SLC12A3: variants seen among roughly 807,000 people sequenced by gnomAD.
SLC12A3 encodes the protein solute carrier family 12 member 3.
SLC12A3 carries 104 observed loss-of-function variants against 121.0 expected under a neutral mutation model. The observed-to-expected ratio is 0.86, with a 90% CI of 0.73 to 1.01. SLC12A3 has a LOEUF of 1.01. SLC12A3 is among the 50% of genes least tolerant of loss of function. The pLI, the probability that SLC12A3 is intolerant of heterozygous loss-of-function variation, is 0.00. For missense variants in SLC12A3, 1,328 were observed against 1,356.3 expected, an observed-to-expected ratio of 0.98 and a Z score of 0.33; for synonymous variants, 536 against 533.4, an observed-to-expected ratio of 1.00 and a Z score of -0.07.
At chr16:56,882,295 G>A (rs1459877490) in intron 12 of SLC12A3, 101 bp from the exon 13 acceptor site, 5 of 883,646 alleles carry the variant, frequency 5.7e-6, no homozygotes, top group Non-Finnish European at 9.7e-6. Context: ...CTGAGCCTTG[G>A]TGGCCTGTCT....
At chr16:56,894,772 A>C in intron 22 of SLC12A3, 130 bp downstream of exon 22, 1 of 708,976 alleles carries the variant, frequency 1.4e-6, no homozygotes, top group Non-Finnish European at 2.5e-6. Context: ...CCCAAAGCCC[A>C]GGGCCAGCTC....
At chr16:56,909,464 C>T (rs1354636285) in intron 25 of SLC12A3, among the ~76,000 whole-genome samples, 1 of 150,830 alleles carries the variant, frequency 6.6e-6, no homozygotes, top group African/African-American at 2.4e-5. Flanking sequence ...ATCAATCCCC[C>T]ACCCACCAGC....
chr16:56,902,766 G>GTCC (rs113468906), intron 24 of SLC12A3, among the ~76,000 whole-genome samples: 13 of 143,352 alleles, frequency 9.1e-5, no homozygotes, highest in Non-Finnish European at 1.8e-4. Context: ...ACTGCCCGGA[G>GTCC]TCCTCCTCCT....
intron 13 of SLC12A3, 43 bp downstream of exon 13, chr16:56,882,540 G>A: frequency 6.7e-7 from 1 of 1,490,174 alleles, no homozygotes. Flanking sequence ...GCACCCAGGG[G>A]GCAGGAGGAA....
chr16:56,900,661 G>A (rs2055525976), intron 23 of SLC12A3, among the ~76,000 whole-genome samples: 1 of 152,050 alleles, frequency 6.6e-6, no homozygotes, highest in Non-Finnish European at 1.5e-5. Context: ...CTCCCAAGTA[G>A]CTGGGATTAC....
At chr16:56,867,940 C>T (rs2144684344) in intron 2 of SLC12A3, among the ~76,000 whole-genome samples, 1 of 152,336 alleles carries the variant, frequency 6.6e-6, no homozygotes, top group East Asian at 1.9e-4. Flanking sequence ...TTGCTGAGCT[C>T]CCTGTAAATG....
At chr16:56,894,374 C>T (rs1034969468) in intron 21 of SLC12A3, among the ~76,000 whole-genome samples, 157 bp from the exon 22 acceptor site, 7 of 152,282 alleles carry the variant, frequency 4.6e-5, no homozygotes, top group African/African-American at 1.7e-4. Context: ...CCGTGTGCGA[C>T]TTGAATTCAG....
At chr16:56,878,004 C>A in intron 8 of SLC12A3, 73 bp from the exon 9 acceptor site, 1 of 893,978 alleles carries the variant, frequency 1.1e-6, no homozygotes, top group Non-Finnish European at 1.7e-6. Context: ...GGCCCAGGGG[C>A]TGCCTAATGT....
At chr16:56,887,798 A>ATATATATATAT (rs1433682477) in intron 17 of SLC12A3, 127 bp from the exon 18 acceptor site, 4 of 68,436 alleles carry the variant, frequency 5.8e-5, no homozygotes, top group African/African-American at 2.3e-4. Context: ...ATATATATAT[A>ATATATATATAT]TTTTTTTTTT....
rs150708727 is a variant in SLC12A3 at position 56,865,487 on chromosome 16, C to T, written c.252C>T (p.Pro84=). Residue 84 remains proline, a synonymous_variant, in exon 1 of 26, where the codon CCC becomes CCT. Coordinates refer to ENST00000563236, the MANE Select transcript of SLC12A3 (RefSeq NM_001126108.2). The stretch of plus-strand genomic sequence containing the variant: ...CTGGTGAGCCCCGGAAGGTCCGGCC[C>T]ACACTGGCTGACCTGCACTCCTTCC... ...TQPGEPRKVR[P]TLADLHSFLK... is the part of the protein sequence containing the mutation. 7 of 1,613,498 alleles carry T rather than the reference C, an allele frequency of 4.3e-6. No individual in the cohort carries two copies. Among genetic ancestry groups the T allele is most frequent in the Non-Finnish European group, 5.1e-6 (6 of 1,180,048 alleles).
rs115579847 is a variant in SLC12A3, at chr16:56,875,925, G to A, written c.1096-2152G>A. Among the ~76,000 whole-genome samples, 794 of 151,902 alleles carry A rather than the reference G, an allele frequency of 5.2e-3. 6 individuals are homozygous for A. Among genetic ancestry groups the A allele is most frequent in the African/African-American group, 0.018 (732 of 41,498 alleles). Reference sequence around the variant, plus strand: ...GCTGAGATCTCAGCTCTAGATGCAGGAGGCAGGATGGGGGCTGATGGCTGG... The same window carrying A: ...GCTGAGATCTCAGCTCTAGATGCAGAAGGCAGGATGGGGGCTGATGGCTGG... On this transcript the variant is annotated intron_variant, in intron 8 of 25. Coordinates refer to ENST00000563236, the MANE Select transcript of SLC12A3 (RefSeq NM_001126108.2).
At chr16:56,869,464 A>C (rs2055058375) in intron 3 of SLC12A3, among the ~76,000 whole-genome samples, 1 of 152,118 alleles carries the variant, frequency 6.6e-6, no homozygotes, top group African/African-American at 2.4e-5. Flanking sequence ...AGTAGCTGGG[A>C]TTACAGGCAT....
intron 23 of SLC12A3, among the ~76,000 whole-genome samples, chr16:56,901,907 A>T (rs1396550891): frequency 1.3e-5 from 2 of 152,210 alleles, no homozygotes; most frequent in Non-Finnish European, 2.9e-5. Context: ...TGTCCCGTGC[A>T]TGGCTGGTTT....
intron 25 of SLC12A3, among the ~76,000 whole-genome samples, chr16:56,912,718 A>G (rs1555503272): frequency 6.6e-6 from 1 of 152,226 alleles, no homozygotes; most frequent in Non-Finnish European, 1.5e-5. Flanking sequence ...GGAGACAAGC[A>G]CATAAATCAG....
chr16:56,892,351 G>A (rs1407826585), intron 20 of SLC12A3, among the ~76,000 whole-genome samples: 6 of 152,320 alleles, frequency 3.9e-5, no homozygotes, highest in Middle Eastern at 3.4e-3. Flanking sequence ...GCTCATGCCT[G>A]TAATCCCAGC....
intron 25 of SLC12A3, among the ~76,000 whole-genome samples, chr16:56,912,218 C>G (rs1031681343): frequency 2.6e-5 from 4 of 152,256 alleles, no homozygotes; most frequent in Admixed American, 6.5e-5. Flanking sequence ...CCAGCTGGAC[C>G]TGTGAGACAC....
intron 13 of SLC12A3, among the ~76,000 whole-genome samples, chr16:56,883,549 G>T (rs529435201): frequency 1.3e-5 from 2 of 152,186 alleles, no homozygotes; most frequent in South Asian, 4.2e-4. Flanking sequence ...CAAAGTGCTG[G>T]GATTACAGTT....
In SLC12A3 at chr16:56,913,324, G is replaced by A. The variant is rs762302548; in HGVS notation, c.2985G>A (p.Glu995=). ...CPSSLYMAWL[E]TLSQDLRPPV... is the part of the protein sequence containing the mutation. ...GCTCGCTGTACATGGCCTGGCTGGA[G>A]ACCCTGTCCCAGGACCTCAGACCTC... The change falls in exon 26 of 26, where the codon GAG becomes GAA. Residue 995 remains glutamate (E), a synonymous_variant. Coordinates refer to ENST00000563236, the MANE Select transcript of SLC12A3 (RefSeq NM_001126108.2). 1 of 1,614,200 alleles carries A rather than the reference G, an allele frequency of 6.2e-7. No individual in the cohort carries two copies.
At chr16:56,886,673 G>A (rs1346942637) in intron 16 of SLC12A3, among the ~76,000 whole-genome samples, 198 bp downstream of exon 16, 2 of 152,210 alleles carry the variant, frequency 1.3e-5, no homozygotes, top group Non-Finnish European at 2.9e-5. Flanking sequence ...CGGAGCAAGG[G>A]GCACCCAGCC....
Sources: gnomAD v4.1 joint callset for allele counts (sites outside exome capture counted in the v4.1 genomes callset) on GRCh38, gnomAD v4.1.1 for gene constraint, MANE v1.5 for transcripts, NCBI Gene and HGNC (gene_info 2026-07-23, HGNC 2026-07-21) for gene names.